Variants in THSD4 observed in about 807,000 individuals in gnomAD.
The protein encoded by THSD4 is thrombospondin type 1 domain containing 4.
In THSD4, 69 loss-of-function variants were observed where a neutral mutation model predicts 119.0. The ratio of observed to expected loss-of-function variants is 0.58; its 90% CI spans 0.48 to 0.71. The LOEUF (loss-of-function observed/expected upper bound fraction) is 0.71, where lower values mean the gene tolerates loss of function less well. Ranked by LOEUF, THSD4 falls within the 30% of genes least tolerant of loss-of-function variation. THSD4 has a pLI of 0.00. For synonymous variants in THSD4, 524 were observed against 540.4 expected, an observed-to-expected ratio of 0.97 and a Z score of 0.42; for missense variants, 1,393 against 1,391.1, an observed-to-expected ratio of 1.00 and a Z score of -0.02.
chr15:71,558,646 T>G (rs2049061740), intron 7 of THSD4, among the ~76,000 whole-genome samples: 1 of 152,114 alleles, frequency 6.6e-6, no homozygotes, highest in African/African-American at 2.4e-5. Context: ...TTTTTTAAAA[T>G]TTTTTGTAGA....
chr15:71,549,229 C>T, intron 7 of THSD4, among the ~76,000 whole-genome samples: 1 of 152,180 alleles, frequency 6.6e-6, no homozygotes, highest in Non-Finnish European at 1.5e-5. Flanking sequence ...GCTAGAAAAC[C>T]CGATCAGAGG....
intron 7 of THSD4, among the ~76,000 whole-genome samples, chr15:71,516,889 A>G (rs2048369426): frequency 6.6e-6 from 1 of 152,232 alleles, no homozygotes; most frequent in Non-Finnish European, 1.5e-5. Flanking sequence ...TTTAAATGAA[A>G]TAAAATTTCA....
upstream of THSD4, chr15:71,111,236 A>C (rs2040302179): frequency 6.2e-7 from 1 of 1,613,882 alleles, no homozygotes; most frequent in South Asian, 1.1e-5. Flanking sequence ...GATAACCTGA[A>C]GTGTGGCCTG....
At chr15:71,260,049 T>C (rs1452322542) in intron 6 of THSD4, among the ~76,000 whole-genome samples, 1 of 152,202 alleles carries the variant, frequency 6.6e-6, no homozygotes, top group Non-Finnish European at 1.5e-5. Context: ...CTTTTCTGCG[T>C]GGTCTGAGGT....
chr15:71,509,099 G>A (rs113584422), intron 7 of THSD4, among the ~76,000 whole-genome samples: 2,117 of 152,162 alleles, frequency 0.014, 18 homozygotes, highest in Middle Eastern at 0.051. Context: ...GTCATGTTAG[G>A]TATGACCAGA....
At chr15:71,648,979 G>A (rs1051058835) in intron 7 of THSD4, among the ~76,000 whole-genome samples, 1 of 152,330 alleles carries the variant, frequency 6.6e-6, no homozygotes, top group African/African-American at 2.4e-5. Context: ...ACCTGCGGGT[G>A]TAATGTGCAT....
chr15:71,307,809 T>C (rs562364768), intron 6 of THSD4, among the ~76,000 whole-genome samples: 2 of 152,180 alleles, frequency 1.3e-5, no homozygotes, highest in South Asian at 4.2e-4. Context: ...ACACTTATGG[T>C]TTATTACAGT....
intron 6 of THSD4, among the ~76,000 whole-genome samples, chr15:71,299,976 A>AAAAAAAAATATATATATATATAT (rs1555462049): frequency 8.3e-5 from 4 of 48,302 alleles, no homozygotes; most frequent in African/African-American, 3.1e-4. Context: ...AAAAAAAAAA[A>AAAAAAAAATATATATATATATAT]ATATATATAT....
chr15:71,337,824 A>C (rs953901106), intron 6 of THSD4, among the ~76,000 whole-genome samples: 5 of 152,120 alleles, frequency 3.3e-5, no homozygotes, highest in African/African-American at 4.8e-5. Context: ...TGATTTCTGC[A>C]TGCAATGTGA....
At chr15:71,453,933 G>A (rs2047301357) in intron 7 of THSD4, among the ~76,000 whole-genome samples, 1 of 152,082 alleles carries the variant, frequency 6.6e-6, no homozygotes, top group African/African-American at 2.4e-5. Context: ...TGAAAGAATT[G>A]CATGGAAAAT....
chr15:71,326,075 G>A (rs560595586), intron 6 of THSD4, among the ~76,000 whole-genome samples: 1 of 152,306 alleles, frequency 6.6e-6, no homozygotes, highest in Non-Finnish European at 1.5e-5. Context: ...AAGCTGCCAG[G>A]AGCAGAATTT....
intron 6 of THSD4, among the ~76,000 whole-genome samples, chr15:71,347,758 T>C (rs1336059236): frequency 6.6e-6 from 1 of 152,238 alleles, no homozygotes; most frequent in East Asian, 1.9e-4. Context: ...GGCTACCATG[T>C]TGGACAGTGT....
At chr15:71,299,925 A>G (rs1232391456) in intron 6 of THSD4, among the ~76,000 whole-genome samples, 1 of 148,260 alleles carries the variant, frequency 6.7e-6, no homozygotes, top group Non-Finnish European at 1.5e-5. Context: ...GAGTTTCAGA[A>G]CAGCCTGGGC....
chr15:71,588,174 C>G lies in THSD4; in HGVS notation c.1153-72356C>G, dbSNP rs543424883. Among the ~76,000 whole-genome samples the G allele has an allele frequency of 4.6e-3, 703 of 151,458 alleles. 12 individuals are homozygous for G. The highest frequency in any genetic ancestry group is 0.016 in the African/African-American group (673 of 41,378). ...ACAAAAAATTAGCCGGGCGTGGTAG[C>G]GGGCGCCTGTAGTCCCAGCTACTCG... On this transcript the variant is annotated intron_variant, in intron 7 of 17. Coordinates refer to ENST00000261862, the MANE Select transcript of THSD4 (RefSeq NM_024817.3).
chr15:71,388,688 G>GTGTGTGTT (rs755711869), intron 6 of THSD4, among the ~76,000 whole-genome samples: 353 of 151,710 alleles, frequency 2.3e-3, no homozygotes, highest in Non-Finnish European at 3.9e-3. Flanking sequence ...GTGTGTGTGT[G>GTGTGTGTT]TGTGTAGGGA....
intron 7 of THSD4, among the ~76,000 whole-genome samples, chr15:71,501,208 T>G (rs1807524471): frequency 6.6e-6 from 1 of 152,206 alleles, no homozygotes; most frequent in Non-Finnish European, 1.5e-5. Flanking sequence ...CTGTGTGTGT[T>G]TTTCTTTTAG....
intron 3 of THSD4, among the ~76,000 whole-genome samples, chr15:71,168,617 G>A (rs1198374597): frequency 6.6e-6 from 1 of 152,112 alleles, no homozygotes; most frequent in Non-Finnish European, 1.5e-5. Context: ...TAAGGGTGAG[G>A]TAAAATATTT....
chr15:71,475,494 T>C (rs2047643507), intron 7 of THSD4, among the ~76,000 whole-genome samples: 1 of 152,204 alleles, frequency 6.6e-6, no homozygotes, highest in Non-Finnish European at 1.5e-5. Context: ...CTGGGGATCT[T>C]GTTAAAATGC....
intron 7 of THSD4, among the ~76,000 whole-genome samples, chr15:71,415,025 G>A (rs2046740536): frequency 1.3e-5 from 2 of 152,200 alleles, no homozygotes; most frequent in Non-Finnish European, 2.9e-5. Flanking sequence ...TTGATTGGAT[G>A]CCCAGAATTC....
Sources: allele counts gnomAD v4.1 joint callset (sites outside exome capture counted in the v4.1 genomes callset), GRCh38; gene constraint gnomAD v4.1.1; transcripts MANE v1.5; gene names NCBI Gene and HGNC (gene_info 2026-07-23, HGNC 2026-07-21).